Variants in POU6F2 observed in about 807,000 individuals in gnomAD.
POU6F2 encodes POU domain, class 6, transcription factor 2.
In POU6F2, 31 loss-of-function variants were observed where a neutral mutation model predicts 71.3. The observed-to-expected ratio is 0.43, with a 90% CI of 0.33 to 0.59. The LOEUF is 0.59. Among genes scored for constraint, POU6F2 ranks in the 20% least tolerant of loss-of-function variants. The pLI is 0.04. For synonymous variants in POU6F2, 347 were observed against 355.7 expected (o/e 0.98, Z 0.27); for missense variants, 783 against 856.8 (o/e 0.91, Z 1.07).
At chr7:39,396,475 G>A (rs760997849) in intron 5 of POU6F2, among the ~76,000 whole-genome samples, 12 of 152,224 alleles carry the variant, frequency 7.9e-5, no homozygotes, top group Non-Finnish European at 1.3e-4. Flanking sequence ...CCCCATGTAG[G>A]ATATAGCTCT....
At chr7:39,103,518 A>G (rs751196250) in intron 2 of POU6F2, among the ~76,000 whole-genome samples, 23 of 152,230 alleles carry the variant, frequency 1.5e-4, no homozygotes, top group Non-Finnish European at 2.9e-4. Flanking sequence ...CTGAAAAGCC[A>G]TGAGGCTGTG....
At chr7:39,095,911 C>T (rs981130196) in intron 2 of POU6F2, among the ~76,000 whole-genome samples, 1 of 152,148 alleles carries the variant, frequency 6.6e-6, no homozygotes, top group Non-Finnish European at 1.5e-5. Context: ...TTTTAATATA[C>T]CATTCTGAAT....
intron 1 of POU6F2, among the ~76,000 whole-genome samples, chr7:38,994,112 G>A (rs987331957): frequency 3.3e-5 from 5 of 152,078 alleles, no homozygotes; most frequent in African/African-American, 1.2e-4. Context: ...TAAATATCAT[G>A]TCATCTCTTT....
intron 1 of POU6F2, among the ~76,000 whole-genome samples, chr7:39,075,468 A>G (rs1338609234): frequency 6.6e-6 from 1 of 152,212 alleles, no homozygotes; most frequent in Non-Finnish European, 1.5e-5. Context: ...GTTTTTGAAG[A>G]AAAAGTTTTT....
At position 39,467,137 on chromosome 7, in the gene POU6F2, C is replaced by T. The variant is rs1031710329; in HGVS notation, c.*2451C>T. 6.6e-6 allele frequency: 1 copy of T among 152,116 alleles called. No homozygotes were observed. The highest frequency in any genetic ancestry group is 2.4e-5 in the African/African-American group (1 of 41,424). The allele number at this position is 152,116 out of a possible 1,614,324, so 9.4% of individuals were successfully genotyped here. A position where few individuals can be genotyped will look rare whatever the true frequency, so the allele number is the denominator to read the frequency against. On this transcript the variant is annotated 3_prime_UTR_variant, in exon 10 of 10. Transcript: ENST00000518318. ...GAGTGGAACAAAAAAGAAATATATTCATCCGACAGTCGTAACACCATTCAT... is the reference window on the plus strand; with the variant it reads ...GAGTGGAACAAAAAAGAAATATATTTATCCGACAGTCGTAACACCATTCAT...
At chr7:39,430,556 C>T (rs1246593189) in intron 6 of POU6F2, among the ~76,000 whole-genome samples, 1 of 152,234 alleles carries the variant, frequency 6.6e-6, no homozygotes, top group Non-Finnish European at 1.5e-5. Context: ...GACTTGTTTG[C>T]ATTTGCCTTT....
chr7:39,059,792 G>C (rs1162982846), intron 1 of POU6F2, among the ~76,000 whole-genome samples: 1 of 152,100 alleles, frequency 6.6e-6, no homozygotes, highest in Non-Finnish European at 1.5e-5. Context: ...CCCATCTATT[G>C]ATGAACAGAT....
At chr7:39,118,291 G>A (rs906994109) in intron 2 of POU6F2, among the ~76,000 whole-genome samples, 3 of 152,026 alleles carry the variant, frequency 2.0e-5, no homozygotes, top group Non-Finnish European at 4.4e-5. Flanking sequence ...ACAACTGATA[G>A]CCAAAGATTA....
chr7:39,009,525 G>C (rs2128702573), intron 1 of POU6F2, among the ~76,000 whole-genome samples: 1 of 152,158 alleles, frequency 6.6e-6, no homozygotes, highest in African/African-American at 2.4e-5. Context: ...TCCTTCTCCT[G>C]CCTAATTGCC....
chr7:39,100,158 A>G (rs540292907), intron 2 of POU6F2, among the ~76,000 whole-genome samples: 12 of 152,356 alleles, frequency 7.9e-5, no homozygotes, highest in South Asian at 4.1e-4. Context: ...TTCATAGCCA[A>G]TGTTTAATTG....
At chr7:39,398,799 G>A (rs530537392) in intron 5 of POU6F2, among the ~76,000 whole-genome samples, 37 of 152,272 alleles carry the variant, frequency 2.4e-4, no homozygotes, top group African/African-American at 8.4e-4. Context: ...AATTATTACA[G>A]CAAAACTTAT....
At chr7:39,270,921 A>T (rs1052800073) in intron 4 of POU6F2, among the ~76,000 whole-genome samples, 1 of 152,108 alleles carries the variant, frequency 6.6e-6, no homozygotes, top group Admixed American at 6.5e-5. Flanking sequence ...CCAGTGTTCT[A>T]CAAGACCCCT....
intron 5 of POU6F2, among the ~76,000 whole-genome samples, chr7:39,353,288 A>G (rs1193908468): frequency 6.6e-6 from 1 of 152,232 alleles, no homozygotes; most frequent in Non-Finnish European, 1.5e-5. Context: ...ACATGAATGC[A>G]TGGGTTGACC....
intron 4 of POU6F2, among the ~76,000 whole-genome samples, chr7:39,247,987 A>T (rs1245530581): frequency 6.6e-6 from 1 of 152,270 alleles, no homozygotes; most frequent in African/African-American, 2.4e-5. Flanking sequence ...TATACAGTAC[A>T]TTTAATTTCT....
At chr7:39,459,947 TG>T in intron 8 of POU6F2, among the ~76,000 whole-genome samples, 3 of 152,134 alleles carry the variant, frequency 2.0e-5, no homozygotes, top group Admixed American at 2.0e-4. Flanking sequence ...TAAACTGCTA[TG>T]GGGGGAAAAA....
intron 5 of POU6F2, among the ~76,000 whole-genome samples, chr7:39,371,623 A>G (rs1786612460): frequency 6.6e-6 from 1 of 152,088 alleles, no homozygotes; most frequent in Non-Finnish European, 1.5e-5. Context: ...ACTTCTACAG[A>G]TGTCCCCTTG....
chr7:39,419,687 T>C (rs1257359481), intron 6 of POU6F2, among the ~76,000 whole-genome samples: 1 of 152,222 alleles, frequency 6.6e-6, no homozygotes, highest in Non-Finnish European at 1.5e-5. Flanking sequence ...TTGGGGTTGT[T>C]GTAAAAAGTA....
chr7:39,336,316 C>T (rs1177435576), intron 4 of POU6F2, among the ~76,000 whole-genome samples: 1 of 152,172 alleles, frequency 6.6e-6, no homozygotes, highest in Non-Finnish European at 1.5e-5. Context: ...CCATCCCTTC[C>T]ACCTTCAGAG....
At chr7:39,032,565 T>C (rs1451573442) in intron 1 of POU6F2, among the ~76,000 whole-genome samples, 1 of 152,246 alleles carries the variant, frequency 6.6e-6, no homozygotes, top group African/African-American at 2.4e-5. Flanking sequence ...TAGCGCATCC[T>C]GTGGAAGAGC....
Sources: gnomAD v4.1 joint callset for allele counts (sites outside exome capture counted in the v4.1 genomes callset) on GRCh38, gnomAD v4.1.1 for gene constraint, MANE v1.5 for transcripts, NCBI Gene and HGNC (gene_info 2026-07-23, HGNC 2026-07-21) for gene names.